The following SVIL variants were observed in gnomAD, a reference collection of about 807,000 sequenced individuals.
SVIL encodes the protein archvillin.
A neutral mutation model predicts 240.4 loss-of-function variants in SVIL; 101 were observed. The observed-to-expected ratio is 0.42, with a 90% CI of 0.36 to 0.50. The LOEUF is 0.50. SVIL is among the 20% of genes least tolerant of loss of function. SVIL has a pLI of 0.01. For missense variants in SVIL, 2,512 were observed against 2,818.7 expected (o/e 0.89, Z 2.46); for synonymous variants, 999 against 1,100.0 (o/e 0.91, Z 1.82).
chr10:29,536,136 C>A, intron 6 of SVIL, 67 bp from the exon 7 acceptor site: 1 of 1,475,570 alleles, frequency 6.8e-7, no homozygotes, highest in Non-Finnish European at 9.4e-7. Context: ...CAGACTTTAC[C>A]ATAACTTAAA....
At chr10:29,678,060 A>G (rs1035486433) in intron 2 of SVIL, among the ~76,000 whole-genome samples, 1 of 152,184 alleles carries the variant, frequency 6.6e-6, no homozygotes. Flanking sequence ...CAAAGGCTCT[A>G]GAACAGCAAT....
chr10:29,669,967 T>G (rs1346776406), intron 2 of SVIL, among the ~76,000 whole-genome samples: 1 of 151,794 alleles, frequency 6.6e-6, no homozygotes, highest in Non-Finnish European at 1.5e-5. Context: ...ATTTAAAAAT[T>G]AGCTGGGCAT....
intron 1 of SVIL, among the ~76,000 whole-genome samples, chr10:29,724,242 C>A (rs1181788782): frequency 7.0e-6 from 1 of 142,172 alleles, no homozygotes; most frequent in Non-Finnish European, 1.5e-5. Context: ...CATGGAAAAA[C>A]ATAAACTGCT....
intron 3 of SVIL, among the ~76,000 whole-genome samples, chr10:29,641,992 C>T (rs571702737): frequency 6.6e-6 from 1 of 152,324 alleles, no homozygotes; most frequent in South Asian, 2.1e-4. Flanking sequence ...TCCCTCCCAC[C>T]AGCAGGTGAC....
intron 2 of SVIL, among the ~76,000 whole-genome samples, chr10:29,664,017 C>T (rs1211360995): frequency 2.0e-5 from 3 of 152,232 alleles, no homozygotes; most frequent in East Asian, 1.9e-4. Context: ...CTACGGGACA[C>T]GTTCCCCATT....
At chr10:29,667,530 G>C (rs191710325) in intron 2 of SVIL, among the ~76,000 whole-genome samples, 1 of 152,012 alleles carries the variant, frequency 6.6e-6, no homozygotes, top group Non-Finnish European at 1.5e-5. Context: ...TGATTATGTC[G>C]GTGGCTACAC....
At chr10:29,599,131 C>A (rs930167090) in intron 1 of SVIL, among the ~76,000 whole-genome samples, 2 of 152,134 alleles carry the variant, frequency 1.3e-5, no homozygotes, top group Non-Finnish European at 1.5e-5. Flanking sequence ...AACATTTGAT[C>A]ATGCTGATCT....
chr10:29,653,877 G>A (rs1462736037), intron 3 of SVIL, among the ~76,000 whole-genome samples: 2 of 152,042 alleles, frequency 1.3e-5, no homozygotes, highest in East Asian at 3.9e-4. Flanking sequence ...CACAAATAAT[G>A]TATGAGTTTA....
At chr10:29,546,269 T>A (rs1952676843) in intron 6 of SVIL, among the ~76,000 whole-genome samples, 1 of 152,184 alleles carries the variant, frequency 6.6e-6, no homozygotes, top group Non-Finnish European at 1.5e-5. Flanking sequence ...ATAATACCAT[T>A]TCTGAAATTT....
At chr10:29,464,966 C>G (rs1401442348) in intron 34 of SVIL, among the ~76,000 whole-genome samples, 3 of 152,210 alleles carry the variant, frequency 2.0e-5, no homozygotes, top group African/African-American at 7.2e-5. Flanking sequence ...GGAGTCTTGG[C>G]TCTGCTGTGG....
intron 1 of SVIL, among the ~76,000 whole-genome samples, chr10:29,569,815 A>T (rs748393856): frequency 1.4e-4 from 22 of 152,348 alleles, no homozygotes; most frequent in Non-Finnish European, 2.4e-4. Flanking sequence ...CTACACAATA[A>T]CAACCAATAA....
At chr10:29,536,957 C>G (rs917315450) in intron 6 of SVIL, among the ~76,000 whole-genome samples, 5 of 148,862 alleles carry the variant, frequency 3.4e-5, no homozygotes, top group Non-Finnish European at 5.9e-5. Context: ...TAGTCACACT[C>G]TGCCCACAAA....
chr10:29,471,005 C>T, intron 31 of SVIL, 133 bp downstream of exon 31: 1 of 816,708 alleles, frequency 1.2e-6, no homozygotes, highest in Non-Finnish European at 2.0e-6. Context: ...AGTTATCAGG[C>T]AAACATCAGG....
chr10:29,688,040 T>C (rs1376850299), intron 1 of SVIL, among the ~76,000 whole-genome samples: 1 of 152,118 alleles, frequency 6.6e-6, no homozygotes, highest in Non-Finnish European at 1.5e-5. Flanking sequence ...AATGACACTT[T>C]CCCCGGTAGA....
At chr10:29,730,626 T>C (rs998465068) in intron 1 of SVIL, among the ~76,000 whole-genome samples, 1 of 152,142 alleles carries the variant, frequency 6.6e-6, no homozygotes, top group African/African-American at 2.4e-5. Flanking sequence ...TACATGAATG[T>C]GTAAATGGAG....
At chr10:29,546,811 TA>T (rs1368141219) in intron 6 of SVIL, among the ~76,000 whole-genome samples, 1 of 152,146 alleles carries the variant, frequency 6.6e-6, no homozygotes, top group Non-Finnish European at 1.5e-5. Flanking sequence ...ACAAAATGAT[TA>T]AATGGGAATG....
In SVIL at chr10:29,608,363, A is replaced by G. The variant is rs369943889; in HGVS notation, c.-201+26057T>C. On this transcript the variant is annotated intron_variant, in intron 1 of 37. Coordinates refer to ENST00000355867, the MANE Select transcript of SVIL (RefSeq NM_021738.3). ...TGGCTGCTGTGAGGACGCCAGCTGC[A>G]GTGGGGAAGCCATGGCTGGGATTGT... is the stretch of plus-strand genomic sequence containing the variant. Among the ~76,000 whole-genome samples, 536 of 152,356 alleles carry G rather than the reference A, an allele frequency of 3.5e-3. 2 individuals are homozygous for G. Among genetic ancestry groups the G allele is most frequent in the African/African-American group, 0.012 (501 of 41,594 alleles).
Position 29,563,225 on chromosome 10 carries a change from G to A in SVIL, c.-75C>T, listed in dbSNP as rs1954673180. ...CCTTTAGGAAGTGCAACTAAAAGCT[G>A]AGCATCGATTCCTCTTTCGTGGTTA... is the stretch of plus-strand genomic sequence containing the variant. On this transcript the variant is annotated 5_prime_UTR_variant, in exon 3 of 38. Transcript: ENST00000355867. The A allele has an allele frequency of 5.1e-6, 5 of 985,464 alleles. No individual in the cohort carries two copies. Among genetic ancestry groups the A allele is most frequent in the African/African-American group, 1.7e-5 (1 of 57,322 alleles). 61.0% of individuals were successfully genotyped at this position (985,464 alleles called of 1,614,324 possible). A position where few individuals can be genotyped will look rare whatever the true frequency, so the allele number is the denominator to read the frequency against.
intron 2 of SVIL, among the ~76,000 whole-genome samples, chr10:29,669,345 G>A (rs1352467673): frequency 2.6e-5 from 4 of 152,188 alleles, no homozygotes; most frequent in African/African-American, 7.2e-5. Context: ...TTTGGCTGGC[G>A]TGCAGTGAGT....
Sources: gnomAD v4.1 joint callset for allele counts (sites outside exome capture counted in the v4.1 genomes callset) on GRCh38, gnomAD v4.1.1 for gene constraint, MANE v1.5 for transcripts, NCBI Gene and HGNC (gene_info 2026-07-23, HGNC 2026-07-21) for gene names.